The following GFM1 variants were observed in gnomAD, a reference collection of about 807,000 sequenced individuals.
The protein encoded by GFM1 is elongation factor G, mitochondrial.
In GFM1, 62 loss-of-function variants were observed where a neutral mutation model predicts 96.2. That is an observed-to-expected ratio of 0.64 (90% CI 0.53 to 0.80). GFM1 has a LOEUF of 0.80. GFM1 is among the 30% of genes least tolerant of loss of function. The pLI is 0.00. For synonymous variants in GFM1, 282 were observed against 312.9 expected (o/e 0.90, Z 1.04); for missense variants, 852 against 916.6 (o/e 0.93, Z 0.91).
intron 4 of GFM1, among the ~76,000 whole-genome samples, chr3:158,648,783 G>T (rs1722055023): frequency 1.3e-5 from 2 of 151,508 alleles, no homozygotes; most frequent in Admixed American, 6.6e-5. Flanking sequence ...TTTTGATCCA[G>T]TGTATCTGGG....
At chr3:158,650,947 G>C (rs907169739) in intron 5 of GFM1, 14 of 150,004 alleles carry the variant, frequency 9.3e-5, no homozygotes, top group African/African-American at 3.5e-4. Flanking sequence ...CTTGAACCTG[G>C]GAGGCAGAGC....
chr3:158,673,936 G>A (rs536445588), intron 13 of GFM1, among the ~76,000 whole-genome samples: 16 of 135,564 alleles, frequency 1.2e-4, no homozygotes, highest in African/African-American at 3.1e-4. Flanking sequence ...TGTCTCCTGG[G>A]ATTTGGGGGT....
chr3:158,672,861 A>G (rs1724492784), intron 13 of GFM1, among the ~76,000 whole-genome samples: 1 of 152,268 alleles, frequency 6.6e-6, no homozygotes, highest in East Asian at 1.9e-4. Context: ...TAACCTTTAT[A>G]GAAGTGCAGG....
chr3:158,668,958 T>C, intron 13 of GFM1: 1 of 1,515,280 alleles, frequency 6.6e-7, no homozygotes, highest in South Asian at 1.2e-5. Context: ...CGATAAATAT[T>C]AACCCCATTA....
intron 17 of GFM1, 44 bp from the exon 18 acceptor site, chr3:158,691,288 AAAAC>A (rs759565163): frequency 7.6e-5 from 121 of 1,598,702 alleles, no homozygotes; most frequent in East Asian, 3.4e-4. Context: ...GATAGTTTAA[AAAAC>A]AAACAAACAA....
intron 6 of GFM1, among the ~76,000 whole-genome samples, 174 bp from the exon 7 acceptor site, chr3:158,653,136 T>C (rs938349558): frequency 6.6e-6 from 1 of 152,146 alleles, no homozygotes; most frequent in Non-Finnish European, 1.5e-5. Context: ...AAGAAAGTGA[T>C]TTTTTTCTTT....
intron 13 of GFM1, among the ~76,000 whole-genome samples, chr3:158,677,215 C>A (rs1280423903): frequency 6.6e-6 from 1 of 152,226 alleles, no homozygotes; most frequent in African/African-American, 2.4e-5. Context: ...TATGTTTTGA[C>A]TGCTCTACCT....
intron 13 of GFM1, among the ~76,000 whole-genome samples, chr3:158,668,244 A>G (rs1723906972): frequency 1.3e-5 from 2 of 152,202 alleles, no homozygotes; most frequent in Admixed American, 1.3e-4. Context: ...ATACCTTCTC[A>G]TATACTTTAA....
At position 158,645,717 on chromosome 3, in the gene GFM1, C is replaced by T; in HGVS notation, c.170C>T (p.Ser57Phe). ...ATTGGAATCTCAGCTCACATTGATTCTGGGAAAACTACATTAACAGAACGA... is the reference window on the plus strand; with the variant it reads ...ATTGGAATCTCAGCTCACATTGATTTTGGGAAAACTACATTAACAGAACGA... The part of the protein sequence containing the change: ...RNIGISAHID[S>F]GKTTLTERVL... Residue 57 changes from serine to phenylalanine, a missense_variant, in exon 2 of 18, where the codon TCT becomes TTT. By Grantham distance (155) the Ser-to-Phe change is radical. Transcript: ENST00000486715. The T allele has an allele frequency of 6.2e-7, 1 of 1,611,936 alleles. No individual in the cohort carries two copies. The highest frequency in any genetic ancestry group is 8.5e-7 in the Non-Finnish European group (1 of 1,178,028).
Position 158,690,415 on chromosome 3 carries a change from T to C in GFM1, c.2070+92T>C, listed in dbSNP as rs930171930. On this transcript the variant is annotated intron_variant, in intron 16 of 17. Coordinates refer to ENST00000486715, the MANE Select transcript of GFM1 (RefSeq NM_024996.7). Reference sequence around the variant, plus strand: ...TGTTTTTGCAAATGGACACATTTCCTTGCTGAATTTGTGGCTTTATACATG... The same window carrying C: ...TGTTTTTGCAAATGGACACATTTCCCTGCTGAATTTGTGGCTTTATACATG... The C allele has an allele frequency of 4.8e-6, 6 of 1,239,470 alleles. No homozygotes were observed. The Admixed American group carries it at 8.4e-5, about 17-fold the overall frequency. 76.8% of individuals were successfully genotyped at this position (1,239,470 alleles called of 1,614,324 possible).
At chr3:158,679,949 CA>C (rs1725223664) in intron 13 of GFM1, among the ~76,000 whole-genome samples, 1 of 152,090 alleles carries the variant, frequency 6.6e-6, no homozygotes, top group African/African-American at 2.4e-5. Flanking sequence ...AGATAATAGG[CA>C]TTTAAAAGTA....
chr3:158,675,336 T>C (rs1378742104), intron 13 of GFM1, among the ~76,000 whole-genome samples: 1 of 148,680 alleles, frequency 6.7e-6, no homozygotes, highest in East Asian at 1.9e-4. Flanking sequence ...AAAGAGGAGC[T>C]CTTAAACATG....
chr3:158,649,298 A>G (rs909043576), intron 5 of GFM1, 141 bp downstream of exon 5: 9 of 574,542 alleles, frequency 1.6e-5, no homozygotes, highest in Middle Eastern at 1.0e-3. Flanking sequence ...TTGTTTTAAT[A>G]CCTTTAATCC....
intron 13 of GFM1, among the ~76,000 whole-genome samples, chr3:158,669,929 T>C (rs530801345): frequency 2.0e-5 from 3 of 152,370 alleles, no homozygotes; most frequent in Admixed American, 1.3e-4. Flanking sequence ...TGACTTTATA[T>C]ACCAACTCAA....
At chr3:158,659,842 C>T (rs560497011) in intron 9 of GFM1, among the ~76,000 whole-genome samples, 53 of 152,248 alleles carry the variant, frequency 3.5e-4, no homozygotes, top group African/African-American at 1.1e-3. Flanking sequence ...TCTGAAAACC[C>T]GACAGCGTTG....
At chr3:158,647,372 C>T (rs1451932162) in intron 4 of GFM1, among the ~76,000 whole-genome samples, 2 of 152,180 alleles carry the variant, frequency 1.3e-5, no homozygotes, top group African/African-American at 2.4e-5. Context: ...TTCTTGTTTT[C>T]AGACGGAAAC....
intron 11 of GFM1, among the ~76,000 whole-genome samples, chr3:158,663,109 G>T (rs1447360477): frequency 2.6e-5 from 4 of 152,068 alleles, no homozygotes; most frequent in African/African-American, 7.2e-5. Flanking sequence ...GTAGTTATGA[G>T]GTAAATGTCT....
intron 13 of GFM1, among the ~76,000 whole-genome samples, chr3:158,670,249 T>C (rs1724147919): frequency 6.6e-6 from 1 of 152,216 alleles, no homozygotes; most frequent in Admixed American, 6.5e-5. Context: ...AAAATTTCCC[T>C]TCCCCATTAC....
At position 158,679,928 on chromosome 3, in the gene GFM1, C is replaced by T. The variant is rs139669735; in HGVS notation, c.1602-2067C>T. 2.1e-3 allele frequency among the ~76,000 whole-genome samples: 321 copies of T among 152,262 alleles called. 1 individual carries two copies. The Middle Eastern group carries it at 0.037, about 18-fold the overall frequency. On this transcript the variant is annotated intron_variant, in intron 13 of 17. Transcript: ENST00000486715. Reference sequence around the variant, plus strand: ...CATCTCTGTATATCAAAGCTAGTAACATAGGTTATGAGATAATAGGCATTT... The same window carrying T: ...CATCTCTGTATATCAAAGCTAGTAATATAGGTTATGAGATAATAGGCATTT...
Sources: allele counts gnomAD v4.1 joint callset (sites outside exome capture counted in the v4.1 genomes callset), GRCh38; gene constraint gnomAD v4.1.1; transcripts MANE v1.5; gene names NCBI Gene and HGNC (gene_info 2026-07-23, HGNC 2026-07-21).